Variants in CLPB observed in about 807,000 individuals in gnomAD.
The protein encoded by CLPB is mitochondrial disaggregase.
In CLPB, 40 loss-of-function variants were observed where a neutral mutation model predicts 78.4. That is an observed-to-expected ratio of 0.51 (90% CI 0.40 to 0.66). CLPB has a LOEUF of 0.66. Ranked by LOEUF, CLPB falls within the 30% of genes least tolerant of loss-of-function variation. The pLI, the probability that CLPB is intolerant of heterozygous loss-of-function variation, is 0.00. For missense variants in CLPB, 780 were observed against 886.9 expected (o/e 0.88, Z 1.53); for synonymous variants, 333 against 348.0 (o/e 0.96, Z 0.48).
rs140150482 is a variant in CLPB, at chr11:72,337,943, C to A, written c.776-8139G>T. Among the ~76,000 whole-genome samples, 386 of 152,296 alleles carry A rather than the reference C, an allele frequency of 2.5e-3. 4 individuals carry two copies. Among genetic ancestry groups the A allele is most frequent in the African/African-American group, 7.7e-3 (319 of 41,546 alleles). On this transcript the variant is annotated intron_variant, in intron 5 of 15. Transcript: ENST00000538039. ...GGAATGGTGACACACATTAAGTAAC[C>A]TCTCAGAAGGTCATCCACAAGTCCC...
intron 2 of CLPB, chr11:72,408,316 A>G: frequency 2.5e-6 from 2 of 789,654 alleles, no homozygotes; most frequent in South Asian, 3.2e-5. Context: ...CCTCTTGTGC[A>G]AGGTGGTCGT....
rs1244534822 is a variant in CLPB, at chr11:72,320,526, G to C, written c.874-3306C>G. Among the ~76,000 whole-genome samples the C allele has an allele frequency of 3.9e-5, 6 of 152,178 alleles. No homozygotes were observed. In the East Asian group the frequency reaches 1.2e-3, roughly 29 times the overall value. ...GTACATTCTGATTCTCCCCAGCCTG[G>C]AGTCCCAGATATCTATGCCAATTCA... On this transcript the variant is annotated intron_variant, in intron 6 of 15. Coordinates refer to ENST00000538039, the MANE Select transcript of CLPB (RefSeq NM_001258392.3).
chr11:72,352,904 A>C (rs1413857046), intron 5 of CLPB: 1 of 152,254 alleles, frequency 6.6e-6, no homozygotes, highest in African/African-American at 2.4e-5. Context: ...ATATGCCTAA[A>C]GGTGAAAGGA....
At chr11:72,421,509 A>G (rs1856197326) in intron 2 of CLPB, among the ~76,000 whole-genome samples, 1 of 152,218 alleles carries the variant, frequency 6.6e-6, no homozygotes. Flanking sequence ...CCTGCCTGGA[A>G]TGCTCACAAG....
chr11:72,410,268 TACTA>T (rs1855838150), intron 2 of CLPB, among the ~76,000 whole-genome samples: 1 of 152,132 alleles, frequency 6.6e-6, no homozygotes, highest in Non-Finnish European at 1.5e-5. Flanking sequence ...CTCTGTTACT[TACTA>T]AGTGAGGAGT....
chr11:72,384,575 C>A (rs767454128), intron 3 of CLPB, among the ~76,000 whole-genome samples: 1 of 152,122 alleles, frequency 6.6e-6, no homozygotes, highest in Non-Finnish European at 1.5e-5. Context: ...GAAGTTAGTC[C>A]TCACCAATCA....
At chr11:72,344,426 G>A (rs1220477153) in intron 5 of CLPB, among the ~76,000 whole-genome samples, 1 of 151,242 alleles carries the variant, frequency 6.6e-6, no homozygotes, top group Non-Finnish European at 1.5e-5. Context: ...TGTCTAGGCT[G>A]GTCTCAAACT....
intron 5 of CLPB, among the ~76,000 whole-genome samples, chr11:72,332,324 A>G (rs1271094227): frequency 6.6e-6 from 1 of 151,168 alleles, no homozygotes; most frequent in Non-Finnish European, 1.5e-5. Context: ...CTCTACTAAA[A>G]AAAAAAAAAA....
At chr11:72,388,923 A>C in intron 3 of CLPB, among the ~76,000 whole-genome samples, 1 of 152,218 alleles carries the variant, frequency 6.6e-6, no homozygotes, top group East Asian at 1.9e-4. Flanking sequence ...AAACGGGCTC[A>C]GCAGTAGGCC....
intron 9 of CLPB, among the ~76,000 whole-genome samples, chr11:72,306,780 T>C (rs955445320): frequency 6.6e-6 from 1 of 152,248 alleles, no homozygotes; most frequent in Non-Finnish European, 1.5e-5. Flanking sequence ...ATGACTGCAC[T>C]GAACAGTAAT....
chr11:72,393,787 G>A (rs917386981), intron 3 of CLPB, among the ~76,000 whole-genome samples: 3 of 152,158 alleles, frequency 2.0e-5, no homozygotes, highest in Non-Finnish European at 4.4e-5. Context: ...TGCACGTTGG[G>A]TTTTACAGTT....
At chr11:72,422,357 A>C (rs1022412050) in intron 2 of CLPB, among the ~76,000 whole-genome samples, 2 of 151,728 alleles carry the variant, frequency 1.3e-5, no homozygotes, top group African/African-American at 4.8e-5. Flanking sequence ...GCTAAGACTT[A>C]GGGTAGGTCA....
At chr11:72,301,682 A>C (rs1439874234) in intron 11 of CLPB, 121 bp downstream of exon 11, 8 of 1,086,116 alleles carry the variant, frequency 7.4e-6, no homozygotes, top group Non-Finnish European at 1.1e-5. Context: ...ATGAATGTAC[A>C]CATGCGGGAG....
intron 4 of CLPB, among the ~76,000 whole-genome samples, chr11:72,374,827 G>A (rs1453298387): frequency 3.9e-5 from 6 of 152,262 alleles, no homozygotes; most frequent in African/African-American, 1.4e-4. Flanking sequence ...TAAAGGACTT[G>A]TCCTCCTACC....
intron 2 of CLPB, among the ~76,000 whole-genome samples, chr11:72,423,806 C>A (rs1186459866): frequency 6.6e-6 from 1 of 152,212 alleles, no homozygotes. Context: ...AACTCGCCAA[C>A]CTCATTTGAC....
At chr11:72,410,486 A>C (rs17162146) in intron 2 of CLPB, among the ~76,000 whole-genome samples, 5,922 of 152,306 alleles carry the variant, frequency 0.039, 357 homozygotes, top group African/African-American at 0.13. Context: ...GCAATAAAGC[A>C]CTGTACAAAA....
chr11:72,385,013 G>C (rs1051564288), intron 3 of CLPB, among the ~76,000 whole-genome samples: 2 of 152,172 alleles, frequency 1.3e-5, no homozygotes, highest in African/African-American at 4.8e-5. Flanking sequence ...ATAAGGAAAT[G>C]TCTGACTTAA....
intron 11 of CLPB, among the ~76,000 whole-genome samples, chr11:72,300,705 G>A (rs2135498120): frequency 6.6e-6 from 1 of 152,256 alleles, no homozygotes; most frequent in South Asian, 2.1e-4. Context: ...TATGACATGG[G>A]AAGCAAACCA....
At chr11:72,344,517 T>A (rs1950477819) in intron 5 of CLPB, among the ~76,000 whole-genome samples, 1 of 152,134 alleles carries the variant, frequency 6.6e-6, no homozygotes, top group African/African-American at 2.4e-5. Flanking sequence ...CCTGGCCTTC[T>A]TTTCTACCTT....
Sources: gnomAD v4.1 joint callset for allele counts (sites outside exome capture counted in the v4.1 genomes callset) on GRCh38, gnomAD v4.1.1 for gene constraint, MANE v1.5 for transcripts, NCBI Gene and HGNC (gene_info 2026-07-23, HGNC 2026-07-21) for gene names.